Variants in WDR7 observed in about 807,000 individuals in gnomAD.
WDR7 encodes the protein WD repeat-containing protein 7.
A neutral mutation model predicts 169.4 loss-of-function variants in WDR7; 46 were observed. The observed-to-expected ratio is 0.27, with a 90% confidence interval of 0.21 to 0.35. WDR7 has a LOEUF of 0.35. Ranked by LOEUF, WDR7 falls within the 10% of genes least tolerant of loss-of-function variation. WDR7 has a pLI of 1.00. For synonymous variants in WDR7, 612 were observed against 666.8 expected (o/e 0.92, Z 1.27); for missense variants, 1,534 against 1,859.3 (o/e 0.83, Z 3.22).
chr18:56,659,168 T>TA (rs2024847745), intron 1 of WDR7, among the ~76,000 whole-genome samples: 1 of 133,950 alleles, frequency 7.5e-6, no homozygotes, highest in South Asian at 2.7e-4. Flanking sequence ...GGAGCGTAGG[T>TA]AAAACCTGTA....
At chr18:56,757,429 T>A in intron 15 of WDR7, 77 bp downstream of exon 15, 1 of 1,398,338 alleles carries the variant, frequency 7.2e-7, no homozygotes, top group Non-Finnish European at 9.5e-7. Flanking sequence ...TGTTGATTAC[T>A]CTTTTTTGGC....
chr18:57,008,085 G>A (rs1410620043), intron 26 of WDR7, among the ~76,000 whole-genome samples: 2 of 152,022 alleles, frequency 1.3e-5, no homozygotes, highest in Non-Finnish European at 2.9e-5. Context: ...CTCACACTGA[G>A]CTCATTATTT....
chr18:56,769,653 G>A (rs1395441319), intron 16 of WDR7, among the ~76,000 whole-genome samples: 1 of 152,154 alleles, frequency 6.6e-6, no homozygotes, highest in Non-Finnish European at 1.5e-5. Context: ...GCAAGTTTAA[G>A]CAATGTAAAG....
At chr18:56,781,901 G>T in intron 19 of WDR7, 1 of 295,660 alleles carries the variant, frequency 3.4e-6, no homozygotes, top group Non-Finnish European at 6.1e-6. Context: ...TTTTATAAAT[G>T]AATTCCCCAT....
At chr18:56,969,858 A>G (rs1378470069) in intron 26 of WDR7, among the ~76,000 whole-genome samples, 1 of 152,220 alleles carries the variant, frequency 6.6e-6, no homozygotes, top group Non-Finnish European at 1.5e-5. Context: ...AAATTTAATT[A>G]CTAGGCTATT....
chr18:57,031,735 T>G (rs2048442757), downstream of WDR7: 4 of 152,210 alleles, frequency 2.6e-5, no homozygotes. Flanking sequence ...TTCTGAGATT[T>G]CCCAGAGAAG....
intron 19 of WDR7, among the ~76,000 whole-genome samples, chr18:56,814,828 G>T (rs1296532615): frequency 6.6e-6 from 1 of 152,026 alleles, no homozygotes; most frequent in Non-Finnish European, 1.5e-5. Flanking sequence ...CTTCTGCAAA[G>T]TGGTGAGTTT....
chr18:56,659,187 A>G (rs951626378), intron 1 of WDR7, among the ~76,000 whole-genome samples: 3 of 18,766 alleles, frequency 1.6e-4, no homozygotes, highest in Admixed American at 2.2e-3. Flanking sequence ...TAGCTGGGGA[A>G]AAAAACAATA....
intron 12 of WDR7, among the ~76,000 whole-genome samples, chr18:56,713,961 A>G (rs1285741857): frequency 6.6e-6 from 1 of 152,184 alleles, no homozygotes; most frequent in East Asian, 1.9e-4. Context: ...ATTTATTATT[A>G]CTCTGTTCAT....
rs1314158442 is a variant in WDR7 at position 56,935,895 on chromosome 18, T to C, written c.3821T>C (p.Ile1274Thr). 2 of 1,613,812 alleles carry C rather than the reference T, an allele frequency of 1.2e-6. No homozygotes were observed. Among genetic ancestry groups the C allele is most frequent in the Non-Finnish European group, 1.7e-6 (2 of 1,179,878 alleles). ...AGACCACCCGCCTTCATCACCACCA[T>C]AGCCAAAGAGGTGAGCGGAACTTCT... is the stretch of plus-strand genomic sequence containing the variant. ...TARPPAFITT[I>T]AKEVHRHTAL... The change falls in exon 23 of 28, where the codon ATA becomes ACA. Residue 1274 changes from isoleucine (I) to threonine (T), a missense_variant. Transcript: ENST00000254442.
At chr18:56,894,968 C>A (rs368943395) in intron 21 of WDR7, among the ~76,000 whole-genome samples, 2 of 151,994 alleles carry the variant, frequency 1.3e-5, no homozygotes, top group African/African-American at 2.4e-5. Flanking sequence ...AATTCAGTAT[C>A]TTTTCCACAT....
At chr18:56,932,017 C>T (rs1208318602) in intron 22 of WDR7, among the ~76,000 whole-genome samples, 1 of 152,064 alleles carries the variant, frequency 6.6e-6, no homozygotes, top group Non-Finnish European at 1.5e-5. Flanking sequence ...GTAGGGCAAC[C>T]AGGAAATAAA....
Position 56,679,574 on chromosome 18 carries a change from G to T in WDR7, c.266+136G>T, listed in dbSNP as rs933657408. The T allele has an allele frequency of 1.0e-4, 49 of 472,060 alleles. 1 individual carries two copies. The Middle Eastern group carries it at 1.2e-3, about 12-fold the overall frequency. 29.2% of individuals were successfully genotyped at this position (472,060 alleles called of 1,614,324 possible). A position where few individuals can be genotyped will look rare whatever the true frequency, so the allele number is the denominator to read the frequency against. ...TGCTTTGTATTGTCTAAATCTAAAT[G>T]TAGATATTTAAAATCTGATTTTAGG... On this transcript the variant is annotated intron_variant, in intron 3 of 27. Coordinates refer to ENST00000254442, the MANE Select transcript of WDR7 (RefSeq NM_015285.3).
intron 20 of WDR7, among the ~76,000 whole-genome samples, chr18:56,839,295 C>G (rs1259408878): frequency 6.6e-6 from 1 of 152,086 alleles, no homozygotes; most frequent in African/African-American, 2.4e-5. Context: ...AATGGACGCC[C>G]ATTTACTAGT....
At chr18:56,949,393 T>C (rs2047150200) in intron 25 of WDR7, among the ~76,000 whole-genome samples, 1 of 152,210 alleles carries the variant, frequency 6.6e-6, no homozygotes, top group South Asian at 2.1e-4. Flanking sequence ...AAAAATACTT[T>C]CCAAAATGAA....
the WDR7 span, chr18:57,034,973 G>A: frequency 6.6e-6 from 1 of 152,124 alleles, no homozygotes; most frequent in Non-Finnish European, 1.5e-5. Flanking sequence ...AGAGGTGAAC[G>A]GGGTTCTCTG....
At chr18:56,736,798 G>A (rs1398226830) in intron 14 of WDR7, among the ~76,000 whole-genome samples, 3 of 152,038 alleles carry the variant, frequency 2.0e-5, no homozygotes, top group African/African-American at 7.2e-5. Flanking sequence ...GGAAAAAGAG[G>A]AGGGTAGTAG....
chr18:57,031,377 A>T (rs1025308795), downstream of WDR7: 1 of 152,176 alleles, frequency 6.6e-6, no homozygotes, highest in East Asian at 1.9e-4. Flanking sequence ...ATTCATTCTT[A>T]CCAGCAAGAT....
At chr18:56,919,086 G>A (rs1014382029) in intron 21 of WDR7, among the ~76,000 whole-genome samples, 2 of 152,160 alleles carry the variant, frequency 1.3e-5, no homozygotes, top group Non-Finnish European at 2.9e-5. Context: ...ACATAAGCAG[G>A]GAAGATGCAG....
Sources: gnomAD v4.1 joint callset for allele counts (sites outside exome capture counted in the v4.1 genomes callset) on GRCh38, gnomAD v4.1.1 for gene constraint, MANE v1.5 for transcripts, NCBI Gene and HGNC (gene_info 2026-07-23, HGNC 2026-07-21) for gene names.